MRE11: variants seen among roughly 807,000 people sequenced by gnomAD.
The protein encoded by MRE11 is MRE11 double strand break repair nuclease, also known as double-strand break repair protein MRE11.
In MRE11, 62 loss-of-function variants were observed where a neutral mutation model predicts 91.7. The ratio of observed to expected loss-of-function variants is 0.68; its 90% CI spans 0.55 to 0.84. MRE11 has a LOEUF of 0.84. Ranked by LOEUF, MRE11 falls within the 40% of genes least tolerant of loss-of-function variation. The probability of loss-of-function intolerance (pLI) is 0.00; values close to 1 mark genes in which losing one functional copy is unlikely to be tolerated. For missense variants in MRE11, 796 were observed against 852.9 expected (o/e 0.93, Z 0.83); for synonymous variants, 273 against 271.4 (o/e 1.01, Z -0.06).
At chr11:94,512,397 C>A in the MRE11 span, 4 of 955,874 alleles carry the variant, frequency 4.2e-6, no homozygotes, top group Non-Finnish European at 5.5e-6. Flanking sequence ...ATACCTAGGG[C>A]CTCGGAAGGC....
chr11:94,452,196 CAAAAAAAAA>C (rs35238737), intron 14 of MRE11, among the ~76,000 whole-genome samples: 3 of 94,550 alleles, frequency 3.2e-5, no homozygotes, highest in Admixed American at 1.1e-4. Flanking sequence ...GACTTTGCCT[CAAAAAAAAA>C]AAAAAAAAAG....
the MRE11 span, among the ~76,000 whole-genome samples, chr11:94,504,025 A>G: frequency 6.6e-6 from 1 of 152,196 alleles, no homozygotes; most frequent in Non-Finnish European, 1.5e-5. Context: ...GAACAACTGA[A>G]TATCTTCTTG....
intron 14 of MRE11, among the ~76,000 whole-genome samples, chr11:94,450,378 T>C (rs751177377): frequency 6.6e-6 from 1 of 152,182 alleles, no homozygotes; most frequent in African/African-American, 2.4e-5. Context: ...AGAAAAAAGA[T>C]GATCTAAATC....
At chr11:94,512,382 G>A in the MRE11 span, 2 of 752,222 alleles carry the variant, frequency 2.7e-6, no homozygotes, top group Non-Finnish European at 3.6e-6. Flanking sequence ...TCTTTGGTGC[G>A]CGGAATACCT....
rs200085146 is a variant in MRE11, at chr11:94,447,287, C to T, written c.1715G>A (p.Arg572Gln). The T allele has an allele frequency of 1.4e-5, 23 of 1,614,064 alleles. 1 individual carries two copies. The East Asian group carries it at 4.0e-4, about 28-fold the overall frequency. The change falls in exon 15 of 20, where the codon CGA (arginine) becomes CAA (glutamine). Residue 572 changes from arginine to glutamine, a missense_variant. Physicochemically the swap from Arg to Gln is conservative, Grantham distance 43 (BLOSUM62 1). Transcript: ENST00000323929. ...TCTTCCACCTCTTCGACCTCTTCCT[C>T]GGCCTCTTCCTTTGTTGGTTGCTGC... ...ISAATNKGRG[R>Q]GRGRRGGRGQ...
upstream of MRE11, chr11:94,497,313 T>C (rs1286804626): frequency 7.5e-6 from 3 of 397,540 alleles, no homozygotes; most frequent in East Asian, 1.1e-4. Context: ...ATAAGTAATA[T>C]TCTTCTCTTT....
chr11:94,437,035 A>C, intron 17 of MRE11, 142 bp downstream of exon 17: 46 of 661,944 alleles, frequency 6.9e-5, no homozygotes, highest in Admixed American at 1.2e-4. Context: ...TAGAAGCCCT[A>C]GAGATAATTG....
At chr11:94,443,106 T>C (rs1591649588) in intron 16 of MRE11, among the ~76,000 whole-genome samples, 1 of 152,264 alleles carries the variant, frequency 6.6e-6, no homozygotes, top group East Asian at 1.9e-4. Flanking sequence ...ATGTCAGCTG[T>C]CATTTGATAA....
chr11:94,420,288 G>C (rs892153842), intron 19 of MRE11, 107 bp from the exon 20 acceptor site: 1 of 810,694 alleles, frequency 1.2e-6, no homozygotes, highest in Middle Eastern at 2.3e-4. Context: ...TTTCACATGG[G>C]ATAGACTTTA....
rs747652054 is a variant in MRE11 at position 94,445,940 on chromosome 11, G to A, written c.1784-47C>T. 19 of 1,366,328 alleles carry A rather than the reference G, an allele frequency of 1.4e-5. No individual in the cohort carries two copies. In the Admixed American group the frequency reaches 3.0e-4, roughly 22 times the overall value. The allele number at this position is 1,366,328 out of a possible 1,614,324, so 84.6% of individuals were successfully genotyped here. A position where few individuals can be genotyped will look rare whatever the true frequency, so the allele number is the denominator to read the frequency against. On this transcript the variant is annotated intron_variant, in intron 15 of 19. Coordinates refer to ENST00000323929, the MANE Select transcript of MRE11 (RefSeq NM_005591.4). ...AATGTACAAGCCTATCAGCAGCTAA[G>A]GTTTATTTCATACAACACTAAAAAA...
chr11:94,458,910 A>C (rs926612275), intron 13 of MRE11, among the ~76,000 whole-genome samples: 2 of 152,186 alleles, frequency 1.3e-5, no homozygotes, highest in African/African-American at 4.8e-5. Context: ...AAGAATATTA[A>C]ACTTTTTTCT....
the MRE11 span, among the ~76,000 whole-genome samples, chr11:94,506,303 C>T: frequency 6.6e-6 from 1 of 150,796 alleles, no homozygotes; most frequent in Admixed American, 6.6e-5. Context: ...AGCAAATGTA[C>T]CCCTGAACCT....
intron 13 of MRE11, among the ~76,000 whole-genome samples, chr11:94,456,983 G>A (rs906013038): frequency 9.2e-5 from 14 of 152,016 alleles, no homozygotes; most frequent in African/African-American, 2.9e-4. Context: ...ATATATTATC[G>A]TAGAAACTGA....
At chr11:94,475,375 G>A (rs767552372) in intron 7 of MRE11, 65 of 305,786 alleles carry the variant, frequency 2.1e-4, no homozygotes, top group Non-Finnish European at 3.5e-4. Flanking sequence ...TTATTCAAGG[G>A]ATTTCAGCAT....
At chr11:94,498,153 G>A (rs764959971), upstream of MRE11, 13 of 1,613,916 alleles carry the variant, frequency 8.1e-6, no homozygotes, top group South Asian at 2.2e-5. Flanking sequence ...CCTCTTCATC[G>A]AGCAGCCTAC....
At chr11:94,425,382 C>T (rs1036582251) in intron 19 of MRE11, among the ~76,000 whole-genome samples, 11 of 152,154 alleles carry the variant, frequency 7.2e-5, no homozygotes, top group Non-Finnish European at 2.9e-5. Context: ...CCACCACCTA[C>T]TACCACAAAA....
intron 4 of MRE11, among the ~76,000 whole-genome samples, chr11:94,480,734 C>T (rs1395146313): frequency 6.6e-6 from 1 of 152,216 alleles, no homozygotes; most frequent in East Asian, 1.9e-4. Flanking sequence ...CTCACTAACA[C>T]AGTAGGTCAT....
chr11:94,472,839 C>A (rs1946752067), intron 7 of MRE11: 1 of 152,092 alleles, frequency 6.6e-6, no homozygotes, highest in Admixed American at 6.6e-5. Flanking sequence ...TTAAACACTT[C>A]TGGTCCCAAG....
At chr11:94,500,464 G>A in the MRE11 span, among the ~76,000 whole-genome samples, 10 of 152,228 alleles carry the variant, frequency 6.6e-5, no homozygotes, top group African/African-American at 1.2e-4. Flanking sequence ...GTCACTAATC[G>A]TGCTTTGAAA....
Sources: allele counts gnomAD v4.1 joint callset (sites outside exome capture counted in the v4.1 genomes callset), GRCh38; gene constraint gnomAD v4.1.1; transcripts MANE v1.5; gene names NCBI Gene and HGNC (gene_info 2026-07-23, HGNC 2026-07-21).